The following KCNK13 variants were observed in gnomAD, a reference collection of about 807,000 sequenced individuals.
KCNK13 encodes the protein potassium two pore domain channel subfamily K member 13, also known as potassium channel subfamily K member 13.
In KCNK13, 12 loss-of-function variants were observed where a neutral mutation model predicts 23.4. The ratio of observed to expected loss-of-function variants is 0.51; its 90% CI spans 0.33 to 0.83. KCNK13 has a LOEUF of 0.83. Among genes scored for constraint, KCNK13 ranks in the 40% least tolerant of loss-of-function variants. The pLI is 0.02. For missense variants in KCNK13, 463 were observed against 556.3 expected (o/e 0.83, Z 1.69); for synonymous variants, 231 against 229.5 (o/e 1.01, Z -0.06).
chr14:90,117,661 G>C (rs1198176003), intron 1 of KCNK13, among the ~76,000 whole-genome samples: 6 of 152,110 alleles, frequency 3.9e-5, no homozygotes, highest in African/African-American at 1.4e-4. Flanking sequence ...GTTGACCACA[G>C]GTAACTGAAA....
intron 1 of KCNK13, among the ~76,000 whole-genome samples, chr14:90,098,233 T>C (rs879809036): frequency 6.6e-6 from 1 of 152,266 alleles, no homozygotes; most frequent in Non-Finnish European, 1.5e-5. Context: ...CAGTGTATTT[T>C]ATTAATGACT....
In KCNK13 at chr14:90,072,551, C is replaced by T. The variant is rs969732931; in HGVS notation, c.334+10012C>T. 2.0e-5 allele frequency among the ~76,000 whole-genome samples: 3 copies of T among 152,136 alleles called. 1 individual carries two copies. The South Asian group carries it at 6.2e-4, about 32-fold the overall frequency. On this transcript the variant is annotated intron_variant, in intron 1 of 1. Transcript: ENST00000282146. Reference sequence around the variant, plus strand: ...TATCTTTGGGAGGGAGGACAGGGAGCGCATAGCATCGCTCTTGAGTGTAGC... The same window carrying T: ...TATCTTTGGGAGGGAGGACAGGGAGTGCATAGCATCGCTCTTGAGTGTAGC...
intron 1 of KCNK13, among the ~76,000 whole-genome samples, chr14:90,118,201 A>G (rs966379294): frequency 6.6e-6 from 1 of 152,186 alleles, no homozygotes; most frequent in African/African-American, 2.4e-5. Context: ...ATGCTTCTAC[A>G]TATGTGTACA....
At chr14:90,128,483 T>G (rs532432203) in intron 1 of KCNK13, among the ~76,000 whole-genome samples, 39 of 152,302 alleles carry the variant, frequency 2.6e-4, no homozygotes, top group African/African-American at 9.4e-4. Context: ...TCTCACTGTG[T>G]GGCACGTGTG....
At chr14:90,107,779 A>G (rs1025851481) in intron 1 of KCNK13, 9 of 838,546 alleles carry the variant, frequency 1.1e-5, no homozygotes, top group Non-Finnish European at 1.9e-5. Flanking sequence ...TCCTCAGTCA[A>G]CTGCCCATCA....
chr14:90,176,459 G>C (rs1890423118), intron 1 of KCNK13, among the ~76,000 whole-genome samples: 1 of 151,852 alleles, frequency 6.6e-6, no homozygotes, highest in Admixed American at 6.6e-5. Context: ...ACAGGAGTCT[G>C]TTCTTGCCTC....
In KCNK13 at chr14:90,184,129, C is replaced by T. The variant is rs1175102644; in HGVS notation, c.353C>T (p.Pro118Leu). The change falls in exon 2 of 2, where the codon CCG (proline) becomes CTG (leucine). Residue 118 changes from proline (P) to leucine (L), a missense_variant. Transcript: ENST00000282146. The surrounding 1 kb of genome is among the most constrained non-coding windows in gnomAD (Gnocchi z 5.6). The stretch of plus-strand genomic sequence containing the variant: ...CCTGCAGGGTTTGGGATGACAACTC[C>T]GGCGACAGTAGGAGGAAAAATCTTT... ...VSTIGFGMTTPATVGGKIFLI... is the reference protein window; with the variant it reads ...VSTIGFGMTTLATVGGKIFLI... The T allele has an allele frequency of 5.0e-6, 8 of 1,612,898 alleles. 1 individual carries two copies. Among genetic ancestry groups the T allele is most frequent in the South Asian group, 3.3e-5 (3 of 90,998 alleles).
chr14:90,068,353 G>T (rs1889032698), intron 1 of KCNK13, among the ~76,000 whole-genome samples: 1 of 152,150 alleles, frequency 6.6e-6, no homozygotes, highest in Admixed American at 6.5e-5. Context: ...TCAGCACTTT[G>T]GGAGGGGGAG....
At chr14:90,167,528 C>A (rs1785776558) in intron 1 of KCNK13, among the ~76,000 whole-genome samples, 1 of 152,164 alleles carries the variant, frequency 6.6e-6, no homozygotes, top group South Asian at 2.1e-4. Flanking sequence ...GATTCAATCC[C>A]AGACATGCTG....
intron 1 of KCNK13, among the ~76,000 whole-genome samples, chr14:90,078,979 C>T (rs1169009708): frequency 6.6e-6 from 1 of 152,216 alleles, no homozygotes; most frequent in African/African-American, 2.4e-5. Flanking sequence ...GTAGCGAAAG[C>T]ACACAGGGTT....
intron 1 of KCNK13, among the ~76,000 whole-genome samples, chr14:90,070,282 T>G (rs1889058620): frequency 6.6e-6 from 1 of 152,252 alleles, no homozygotes; most frequent in African/African-American, 2.4e-5. Context: ...ATGAGCAGAT[T>G]GTTGTAATTA....
At chr14:90,143,149 T>A (rs984988323) in intron 1 of KCNK13, among the ~76,000 whole-genome samples, 2 of 8,820 alleles carry the variant, frequency 2.3e-4, no homozygotes, top group African/African-American at 3.6e-4. Context: ...AGCAGAAACT[T>A]TCTTTCTTTC....
intron 1 of KCNK13, among the ~76,000 whole-genome samples, chr14:90,088,330 AAAAGAAAG>A (rs59020460): frequency 6.1e-5 from 9 of 147,288 alleles, no homozygotes; most frequent in African/African-American, 1.3e-4. Flanking sequence ...AACAAGCTTA[AAAAGAAAG>A]AAAGAAAGAA....
intron 1 of KCNK13, among the ~76,000 whole-genome samples, chr14:90,083,411 A>G (rs946743460): frequency 6.6e-6 from 1 of 152,176 alleles, no homozygotes; most frequent in Non-Finnish European, 1.5e-5. Flanking sequence ...TCACTCTTAC[A>G]TTCAGGTTGT....
At position 90,162,180 on chromosome 14, in the gene KCNK13, G is replaced by GA. The variant is rs528092900; in HGVS notation, c.335-21925dup. ...GGCAACAGAGTCAGACCCTCTCTCAGAAAAAACAAAACAAAACAAAAACAA... is the reference window on the plus strand; with the variant it reads ...GGCAACAGAGTCAGACCCTCTCTCAGAAAAAAACAAAACAAAACAAAAACAA... On this transcript the variant is annotated intron_variant, in intron 1 of 1. Coordinates refer to ENST00000282146, the MANE Select transcript of KCNK13 (RefSeq NM_022054.4). 6.6e-5 allele frequency among the ~76,000 whole-genome samples: 10 copies of GA among 152,064 alleles called. No individual in the cohort carries two copies. The East Asian group carries it at 1.5e-3, about 23-fold the overall frequency.
chr14:90,180,753 C>T lies in KCNK13; in HGVS notation c.335-3358C>T, dbSNP rs545353142. 5.0e-4 allele frequency among the ~76,000 whole-genome samples: 76 copies of T among 152,348 alleles called. 2 individuals carry two copies. The South Asian group carries it at 0.015, about 31-fold the overall frequency. ...TGTATCTGCTGGCATCAGCACTTCA[C>T]TGTCTGTGCCTATGTCACTCATCCC... On this transcript the variant is annotated intron_variant, in intron 1 of 1. Transcript: ENST00000282146.
intron 1 of KCNK13, among the ~76,000 whole-genome samples, chr14:90,147,716 T>G (rs543645196): frequency 6.6e-6 from 1 of 152,334 alleles, no homozygotes; most frequent in South Asian, 2.1e-4. Flanking sequence ...GAGGTCAATA[T>G]TCTTACATTT....
At chr14:90,166,696 A>G (rs950171221) in intron 1 of KCNK13, among the ~76,000 whole-genome samples, 3 of 144,354 alleles carry the variant, frequency 2.1e-5, no homozygotes, top group African/African-American at 7.8e-5. Context: ...ACAGAGCAAG[A>G]CTCTGTCTCA....
At chr14:90,068,013 G>A (rs948316828) in intron 1 of KCNK13, among the ~76,000 whole-genome samples, 2 of 152,066 alleles carry the variant, frequency 1.3e-5, no homozygotes, top group African/African-American at 4.8e-5. Context: ...GCTGCCGGGC[G>A]GTTGTCTCTG....
Sources: gnomAD v4.1 joint callset for allele counts (sites outside exome capture counted in the v4.1 genomes callset) on GRCh38, gnomAD v4.1.1 for gene constraint, Gnocchi (gnomAD v3.1) non-coding constraint, MANE v1.5 for transcripts, NCBI Gene and HGNC (gene_info 2026-07-23, HGNC 2026-07-21) for gene names.